The following GRIK4 variants were observed in gnomAD, a reference collection of about 807,000 sequenced individuals.
GRIK4 encodes the protein glutamate receptor ionotropic, kainate 4.
In GRIK4, 40 loss-of-function variants were observed where a neutral mutation model predicts 104.9. The observed-to-expected ratio is 0.38, with a 90% CI of 0.30 to 0.50. GRIK4 has a LOEUF of 0.50. Ranked by LOEUF, GRIK4 falls within the 20% of genes least tolerant of loss-of-function variation. The probability of loss-of-function intolerance (pLI) is 0.93; values close to 1 mark genes in which losing one functional copy is unlikely to be tolerated. For synonymous variants in GRIK4, 485 were observed against 524.9 expected, an observed-to-expected ratio of 0.92 and a Z score of 1.04; for missense variants, 1,047 against 1,308.1, an observed-to-expected ratio of 0.80 and a Z score of 3.08.
intron 1 of GRIK4, among the ~76,000 whole-genome samples, chr11:120,516,749 CAG>C (rs2136069933): frequency 6.6e-6 from 1 of 152,240 alleles, no homozygotes; most frequent in East Asian, 1.9e-4. Context: ...CCGGAAGTGT[CAG>C]AGATAACTTT....
rs191062289 is a variant in GRIK4 at position 120,692,919 on chromosome 11, A to T, written c.82+32519A>T. Reference sequence around the variant, plus strand: ...GCTAATTTTTGTATTTTTAGTAGAGATGGGTTTTCACCATGTTGGCCAGGC... The same window carrying T: ...GCTAATTTTTGTATTTTTAGTAGAGTTGGGTTTTCACCATGTTGGCCAGGC... On this transcript the variant is annotated intron_variant, in intron 3 of 20. Coordinates refer to ENST00000527524, the MANE Select transcript of GRIK4 (RefSeq NM_014619.5). 2.0e-5 allele frequency among the ~76,000 whole-genome samples: 3 copies of T among 151,666 alleles called. No individual in the cohort carries two copies. The East Asian group carries it at 5.9e-4, about 30-fold the overall frequency.
chr11:120,926,509 A>G (rs1158279937), intron 13 of GRIK4, among the ~76,000 whole-genome samples: 1 of 152,202 alleles, frequency 6.6e-6, no homozygotes, highest in Non-Finnish European at 1.5e-5. Context: ...TTTCCAGATG[A>G]GGAAACTGAG....
At chr11:120,775,167 C>T (rs997915029) in intron 3 of GRIK4, among the ~76,000 whole-genome samples, 9 of 152,222 alleles carry the variant, frequency 5.9e-5, no homozygotes, top group African/African-American at 2.2e-4. Flanking sequence ...CTGGAAAACA[C>T]CCTGGGCCTC....
intron 3 of GRIK4, among the ~76,000 whole-genome samples, chr11:120,683,397 G>A (rs1284582929): frequency 2.0e-5 from 3 of 152,134 alleles, no homozygotes; most frequent in Non-Finnish European, 2.9e-5. Context: ...AGAGACCTTG[G>A]GGTAGGGGCG....
At chr11:120,904,902 C>G (rs777438112) in intron 12 of GRIK4, among the ~76,000 whole-genome samples, 81 of 152,196 alleles carry the variant, frequency 5.3e-4, no homozygotes, top group Non-Finnish European at 1.1e-3. Context: ...CTGTTCTTAC[C>G]TAGCCTGCTT....
At chr11:120,668,347 AAGAG>A (rs1005947368) in intron 3 of GRIK4, among the ~76,000 whole-genome samples, 4 of 151,750 alleles carry the variant, frequency 2.6e-5, no homozygotes, top group Non-Finnish European at 4.4e-5. Context: ...AAAAGAATGA[AAGAG>A]AGAAAGAGGG....
intron 1 of GRIK4, among the ~76,000 whole-genome samples, chr11:120,518,500 C>T (rs1947757334): frequency 6.6e-6 from 1 of 151,966 alleles, no homozygotes; most frequent in African/African-American, 2.4e-5. Flanking sequence ...GTCCAAGCCC[C>T]AGAGAGACGA....
chr11:120,733,638 C>A (rs2846124), intron 3 of GRIK4, among the ~76,000 whole-genome samples: 113,662 of 151,804 alleles, frequency 0.75, 42,890 homozygotes, highest in Middle Eastern at 0.85. Context: ...TGACCCCCTG[C>A]TTTTTAATTT....
In GRIK4 at chr11:120,903,378, G is replaced by C. The variant is rs980122286; in HGVS notation, c.1273-1912G>C. 6.6e-6 allele frequency among the ~76,000 whole-genome samples: 1 copy of C among 151,886 alleles called. No homozygotes were observed. Among genetic ancestry groups the C allele is most frequent in the African/African-American group, 2.4e-5 (1 of 41,346 alleles). Reference sequence around the variant, plus strand: ...TTCAGCACAACTCTGGGGCCAGCACGAGCTCCCTTCTCTCTGTGAACCCAC... The same window carrying C: ...TTCAGCACAACTCTGGGGCCAGCACCAGCTCCCTTCTCTCTGTGAACCCAC... On this transcript the variant is annotated intron_variant, in intron 12 of 20. Transcript: ENST00000527524. This position sits in a 1 kb window ranked among gnomAD's most constrained non-coding sequence, Gnocchi z 4.4.
At chr11:120,728,133 G>C (rs1272772923) in intron 3 of GRIK4, among the ~76,000 whole-genome samples, 1 of 151,986 alleles carries the variant, frequency 6.6e-6, no homozygotes, top group Non-Finnish European at 1.5e-5. Flanking sequence ...TAATATAACT[G>C]GGTTTTAAAG....
chr11:120,518,767 C>G (rs1947760220), intron 1 of GRIK4, among the ~76,000 whole-genome samples: 1 of 152,122 alleles, frequency 6.6e-6, no homozygotes, highest in South Asian at 2.1e-4. Context: ...TACAGGTGCC[C>G]AATACCACCC....
chr11:120,787,847 CTTTTCTTTTTTTTTTTTT>C (rs2135486511), intron 3 of GRIK4, among the ~76,000 whole-genome samples: 1 of 55,602 alleles, frequency 1.8e-5, no homozygotes, highest in South Asian at 5.9e-4. Flanking sequence ...TTTTTCTTTT[CTTTTCTTTTTTTTTTTTT>C]TTTTTTTTTT....
intron 3 of GRIK4, among the ~76,000 whole-genome samples, chr11:120,689,156 T>C (rs1013777701): frequency 1.3e-5 from 2 of 151,994 alleles, no homozygotes; most frequent in Non-Finnish European, 2.9e-5. Flanking sequence ...AAGGAACAGG[T>C]TGAGGAATAG....
intron 1 of GRIK4, among the ~76,000 whole-genome samples, chr11:120,635,688 G>A (rs1260845085): frequency 6.6e-6 from 1 of 152,236 alleles, no homozygotes; most frequent in Admixed American, 6.5e-5. Flanking sequence ...GTCACCAGGT[G>A]ATTCAGGAGA....
chr11:120,613,477 G>A (rs1418391553), intron 1 of GRIK4, among the ~76,000 whole-genome samples: 1 of 152,244 alleles, frequency 6.6e-6, no homozygotes, highest in Non-Finnish European at 1.5e-5. Context: ...GGGCTGATGT[G>A]TGCATGTGTT....
intron 8 of GRIK4, among the ~76,000 whole-genome samples, chr11:120,854,064 G>T (rs1954044038): frequency 6.6e-6 from 1 of 152,200 alleles, no homozygotes; most frequent in Non-Finnish European, 1.5e-5. Context: ...ATTGTGGTCG[G>T]GAGCCCCAAA....
At chr11:120,655,815 A>G (rs1949699172) in intron 2 of GRIK4, among the ~76,000 whole-genome samples, 2 of 152,172 alleles carry the variant, frequency 1.3e-5, no homozygotes, top group South Asian at 2.1e-4. Context: ...GGTGTTACCT[A>G]CTAAGAAGAG....
At chr11:120,834,264 GT>G (rs1953513738) in intron 7 of GRIK4, among the ~76,000 whole-genome samples, 9 of 6,218 alleles carry the variant, frequency 1.4e-3, no homozygotes, top group Non-Finnish European at 2.3e-3. Flanking sequence ...CACTTTATAG[GT>G]GTGTGTGTGT....
intron 6 of GRIK4, among the ~76,000 whole-genome samples, chr11:120,825,706 C>CA (rs1348684600): frequency 1.3e-5 from 2 of 152,242 alleles, no homozygotes; most frequent in East Asian, 3.8e-4. Flanking sequence ...AGCTGTGTGA[C>CA]ACGGAGCAGG....
Sources: allele counts gnomAD v4.1 joint callset (sites outside exome capture counted in the v4.1 genomes callset), GRCh38; gene constraint gnomAD v4.1.1; non-coding constraint Gnocchi (gnomAD v3.1); transcripts MANE v1.5; gene names NCBI Gene and HGNC (gene_info 2026-07-23, HGNC 2026-07-21).